GLI1: variants seen among roughly 807,000 people sequenced by gnomAD.
The protein encoded by GLI1 is GLI family zinc finger 1, also known as transcription activator GLI1.
GLI1 carries 51 observed loss-of-function variants against 87.8 expected under a neutral mutation model. The ratio of observed to expected loss-of-function variants is 0.58; its 90% CI spans 0.46 to 0.73. The LOEUF is 0.73. GLI1 is among the 30% of genes least tolerant of loss of function. GLI1 has a pLI of 0.00. For synonymous variants in GLI1, 528 were observed against 558.2 expected (o/e 0.95, Z 0.76); for missense variants, 1,292 against 1,437.2 (o/e 0.90, Z 1.63).
chr12:57,464,182 G>A (rs1871324134), intron 3 of GLI1, 91 bp downstream of exon 3: 1 of 892,618 alleles, frequency 1.1e-6, no homozygotes, highest in African/African-American at 1.6e-5. Flanking sequence ...TCACTTGGAG[G>A]AGGAGATGCT....
intron 11 of GLI1, among the ~76,000 whole-genome samples, chr12:57,470,100 T>C (rs1209386153): frequency 6.6e-6 from 1 of 152,150 alleles, no homozygotes; most frequent in African/African-American, 2.4e-5. Flanking sequence ...TTCCCTAGGA[T>C]TGTGCAGCAC....
Position 57,470,385 on chromosome 12 carries a change from A to G in GLI1, c.1645A>G (p.Ile549Val). The change falls in exon 12 of 12, where the codon ATC (isoleucine) becomes GTC (valine). Residue 549 changes from isoleucine to valine, a missense_variant. Physicochemically the swap from Ile to Val is conservative, Grantham distance 29. Coordinates refer to ENST00000228682, the MANE Select transcript of GLI1 (RefSeq NM_005269.3). ...ACGCCGCAGCAGCAGCTCCAGCAGC[A>G]TCAGCTCTGCCTATACTGTCAGCCG... The part of the protein sequence containing the change: ...LERRSSSSSS[I>V]SSAYTVSRRS... 6.2e-7 allele frequency: 1 copy of G among 1,613,004 alleles called. No homozygotes were observed. Among genetic ancestry groups the G allele is most frequent in the Non-Finnish European group, 8.5e-7 (1 of 1,179,356 alleles).
rs570549390 is a variant in GLI1 at position 57,467,587 on chromosome 12, C to T, written c.1077+90C>T. On this transcript the variant is annotated intron_variant, in intron 9 of 11. Transcript: ENST00000228682. ...AAGAAATCCCTTAGCCCAGCACCCA[C>T]TCCACAGAGGTGAGTCCCCCTCCCC... is the stretch of plus-strand genomic sequence containing the variant. 19 of 1,123,164 alleles carry T rather than the reference C, an allele frequency of 1.7e-5. No individual in the cohort carries two copies. In the South Asian group the frequency reaches 2.7e-4, roughly 16 times the overall value. The allele number at this position is 1,123,164 out of a possible 1,614,324, so 69.6% of individuals were successfully genotyped here.
In GLI1 at chr12:57,465,925, C is replaced by T. The variant is rs202244680; in HGVS notation, c.762C>T (p.His254=). The change falls in exon 7 of 12, where the codon CAC becomes CAT. Residue 254 remains histidine, a splice_region_variant and synonymous_variant. Transcript: ENST00000228682. ...QEFDSQEQLV[H]HINSEHIHGE... ...TTGACTCCCAAGAGCAGCTGGTGCA[C>T]GTGAGCCCCAGGGGGTAACAGGAAT... The T allele has an allele frequency of 5.8e-5, 94 of 1,613,370 alleles. No individual in the cohort carries two copies. Among genetic ancestry groups the T allele is most frequent in the Non-Finnish European group, 7.1e-5 (84 of 1,179,480 alleles).
chr12:57,463,448 C>T (rs1871278394), intron 1 of GLI1, among the ~76,000 whole-genome samples: 1 of 152,172 alleles, frequency 6.6e-6, no homozygotes. Context: ...CAACTGACCT[C>T]AGGTGATCCT....
intron 9 of GLI1, among the ~76,000 whole-genome samples, 155 bp from the exon 10 acceptor site, chr12:57,467,839 A>G (rs1357653228): frequency 6.6e-6 from 1 of 151,672 alleles, no homozygotes; most frequent in African/African-American, 2.4e-5. Context: ...TAATCTCTGC[A>G]TCTTTGACTC....
intron 10 of GLI1, 93 bp downstream of exon 10, chr12:57,468,317 A>C: frequency 1.3e-6 from 1 of 771,164 alleles, no homozygotes; most frequent in Admixed American, 2.4e-5. Flanking sequence ...TCCCTCCTAT[A>C]GAAGTCACTC....
intron 5 of GLI1, 40 bp downstream of exon 5, chr12:57,465,295 AGGGT>A: frequency 4.2e-5 from 42 of 991,306 alleles, no homozygotes; most frequent in Non-Finnish European, 5.7e-5. Context: ...CCCTCAGCTC[AGGGT>A]GGGTGGGTGG....
At position 57,470,464 on chromosome 12, in the gene GLI1, C is replaced by T; in HGVS notation, c.1724C>T (p.Ala575Val). ...FPPGSPPENG[A>V]SSLPGLMPAQ... ...CCTGGCTCCCCACCAGAGAATGGAG[C>T]ATCCTCCCTGCCTGGCCTTATGCCT... The change falls in exon 12 of 12, where the codon GCA becomes GTA. Residue 575 changes from alanine to valine, a missense_variant. Physicochemically the swap from Ala to Val is moderately conservative, Grantham distance 64. Around this residue, in one of 3 missense-constraint regions of GLI1, gnomAD observed 897 missense variants for 1,040.7 expected, o/e 0.86. Transcript: ENST00000228682. 6.2e-7 allele frequency: 1 copy of T among 1,614,172 alleles called. No homozygotes were observed. The highest frequency in any genetic ancestry group is 1.1e-5 in the South Asian group (1 of 91,082).
chr12:57,463,539 T>A (rs1241731363), intron 1 of GLI1, 126 bp from the exon 2 acceptor site: 2 of 662,156 alleles, frequency 3.0e-6, no homozygotes, highest in African/African-American at 3.5e-5. Context: ...TCAACTCGAA[T>A]TCCGTGGCAG....
Position 57,468,213 on chromosome 12 carries a change from G to C in GLI1, c.1297G>C (p.Glu433Gln). The C allele has an allele frequency of 1.2e-6, 2 of 1,612,820 alleles. No homozygotes were observed. The highest frequency in any genetic ancestry group is 1.7e-6 in the Non-Finnish European group (2 of 1,178,848). Residue 433 changes from glutamate to glutamine, a missense_variant, in exon 10 of 12, where the codon GAG (glutamate) becomes CAG (glutamine). Physicochemically the swap from Glu to Gln is conservative, Grantham distance 29. Coordinates refer to ENST00000228682, the MANE Select transcript of GLI1 (RefSeq NM_005269.3). ...GGAGGAAAGCAGACTGACTGTGCCA[G>C]AGGGTGCCATGGTGAGAGAGCCCAG... ...IREESRLTVP[E>Q]GAMKPQPSPG...
At chr12:57,467,701 A>G (rs10783828) in intron 9 of GLI1, among the ~76,000 whole-genome samples, 98,976 of 151,848 alleles carry the variant, frequency 0.65, 32,900 homozygotes, top group Middle Eastern at 0.78. Context: ...ACCAGCCAAA[A>G]GGCTAACCTA....
rs201621277 is a variant in GLI1 at position 57,466,271 on chromosome 12, G to A, written c.794G>A (p.Arg265Gln). 80 of 1,613,888 alleles carry A rather than the reference G, an allele frequency of 5.0e-5. No homozygotes were observed. Among genetic ancestry groups the A allele is most frequent in the East Asian group, 6.7e-5 (3 of 44,878 alleles). ...AACAGCGAGCACATCCACGGGGAGC[G>A]GAAGGAGTTCGTGTGCCACTGGGGG... is the stretch of plus-strand genomic sequence containing the variant. The part of the protein sequence containing the change: ...HINSEHIHGE[R>Q]KEFVCHWGGC... The change falls in exon 8 of 12, where the codon CGG becomes CAG. Residue 265 changes from arginine (R) to glutamine (Q), a missense_variant. By Grantham distance (43) the Arg-to-Gln change is conservative. This residue lies in a region of GLI1 where 383 missense variants were observed against 368.4 expected (regional missense o/e 1.04). Coordinates refer to ENST00000228682, the MANE Select transcript of GLI1 (RefSeq NM_005269.3).
At chr12:57,466,730 C>A (rs904809560) in intron 8 of GLI1, among the ~76,000 whole-genome samples, 7 of 151,978 alleles carry the variant, frequency 4.6e-5, no homozygotes, top group African/African-American at 1.2e-4. Flanking sequence ...TGGTGAAACC[C>A]TGTCTCTACT....
Position 57,467,498 on chromosome 12 carries a change from G to A in GLI1, c.1077+1G>A. The A allele has an allele frequency of 3.1e-6, 5 of 1,593,852 alleles. No homozygotes were observed. The highest frequency in any genetic ancestry group is 4.3e-6 in the Non-Finnish European group (5 of 1,164,642). Reference sequence around the variant, plus strand: ...CCAGAATCGGACCCATTCCAATGAGGTGAATGCCCTAACTAAGCGACCCTC... The same window carrying A: ...CCAGAATCGGACCCATTCCAATGAGATGAATGCCCTAACTAAGCGACCCTC... On this transcript the variant is annotated splice_donor_variant, in intron 9 of 11. Coordinates refer to ENST00000228682, the MANE Select transcript of GLI1 (RefSeq NM_005269.3). LOFTEE classifies it high-confidence loss of function.
Position 57,472,162 on chromosome 12 carries a change from G to C in GLI1, c.*101G>C, listed in dbSNP as rs762606910. On this transcript the variant is annotated 3_prime_UTR_variant, in exon 12 of 12. Coordinates refer to ENST00000228682, the MANE Select transcript of GLI1 (RefSeq NM_005269.3). The stretch of plus-strand genomic sequence containing the variant: ...GCAGTCCCATGCACAAGATGCCCCA[G>C]GGATGGGAGGTATGGGCTGGGGGCT... 1.4e-4 allele frequency: 106 copies of C among 770,842 alleles called. No homozygotes were observed. Among genetic ancestry groups the C allele is most frequent in the Non-Finnish European group, 1.9e-4 (96 of 502,590 alleles). 47.8% of individuals were successfully genotyped at this position (770,842 alleles called of 1,614,324 possible).
rs773432190 is a variant in GLI1, at chr12:57,470,648, C to A, written c.1908C>A (p.Thr636=). The change falls in exon 12 of 12, where the codon ACC becomes ACA. Residue 636 remains threonine (T), a synonymous_variant. Coordinates refer to ENST00000228682, the MANE Select transcript of GLI1 (RefSeq NM_005269.3). ...GATACAACCCCAATGCAGGGGTCAC[C>A]CGGAGGGCCAGTGACCCAGCCCAGG... ...YPGYNPNAGV[T]RRASDPAQAA... The A allele has an allele frequency of 6.2e-7, 1 of 1,613,658 alleles. No homozygotes were observed. The highest frequency in any genetic ancestry group is 8.5e-7 in the Non-Finnish European group (1 of 1,179,786).
chr12:57,462,342 C>CGG (rs1871192879), intron 1 of GLI1, among the ~76,000 whole-genome samples: 1 of 152,044 alleles, frequency 6.6e-6, no homozygotes. Flanking sequence ...GGCTGGGTCG[C>CGG]GGGGTCCGGG....
In GLI1 at chr12:57,470,371, G is replaced by A; in HGVS notation, c.1631G>A (p.Ser544Asn). ...GPPVSLERRS[S>N]SSSSISSAYT... is the part of the protein sequence containing the mutation. The stretch of plus-strand genomic sequence containing the variant: ...CCAGTCTCTCTTGAACGCCGCAGCA[G>A]CAGCTCCAGCAGCATCAGCTCTGCC... The change falls in exon 12 of 12, where the codon AGC (serine) becomes AAC (asparagine). Residue 544 changes from serine (S) to asparagine (N), a missense_variant. This residue lies in a region of GLI1 where 897 missense variants were observed against 1,040.7 expected (regional missense o/e 0.86). Coordinates refer to ENST00000228682, the MANE Select transcript of GLI1 (RefSeq NM_005269.3). 1 of 1,610,574 alleles carries A rather than the reference G, an allele frequency of 6.2e-7. No individual in the cohort carries two copies. The highest frequency in any genetic ancestry group is 1.1e-5 in the South Asian group (1 of 90,614).
Sources: gnomAD v4.1 joint callset for allele counts (sites outside exome capture counted in the v4.1 genomes callset) on GRCh38, gnomAD v4.1.1 for gene constraint, gnomAD v4.1.1 regional missense constraint, MANE v1.5 for transcripts, NCBI Gene and HGNC (gene_info 2026-07-23, HGNC 2026-07-21) for gene names.